The following AGO1 variants were observed in gnomAD, a reference collection of about 807,000 sequenced individuals.
AGO1 encodes the protein argonaute RISC component 1.
Under a neutral mutation model 109.2 loss-of-function variants are expected in AGO1, and 11 were observed. The observed-to-expected ratio is 0.10, with a 90% CI of 0.06 to 0.17. The LOEUF is 0.17. AGO1 is among the 10% of genes least tolerant of loss of function. The probability of loss-of-function intolerance (pLI) is 1.00; values close to 1 mark genes in which losing one functional copy is unlikely to be tolerated. For missense variants in AGO1, 574 were observed against 1,140.3 expected, an observed-to-expected ratio of 0.50 and a Z score of 7.15; for synonymous variants, 422 against 418.6, an observed-to-expected ratio of 1.01 and a Z score of -0.10.
chr1:35,908,906 C>T (rs929165857), intron 12 of AGO1, among the ~76,000 whole-genome samples: 1 of 151,456 alleles, frequency 6.6e-6, no homozygotes, highest in Admixed American at 6.6e-5. Flanking sequence ...GCAACCTCCA[C>T]CTCCCAGGTT....
At chr1:35,912,868 G>A (rs912888981) in intron 12 of AGO1, among the ~76,000 whole-genome samples, 4 of 152,094 alleles carry the variant, frequency 2.6e-5, no homozygotes, top group African/African-American at 4.8e-5. Context: ...CACCGTGCCC[G>A]GCTGGCCTAT....
rs1286109881 is a variant in AGO1 at position 35,888,576 on chromosome 1, A to G, written c.175A>G (p.Ile59Val). ...KIDVYHYEVD[I>V]KPDKCPRRVN... The stretch of plus-strand genomic sequence containing the variant: ...CGACGTGTACCACTACGAGGTGGAC[A>G]TCAAGCCGGATAAGTGTCCCCGTAG... The change falls in exon 2 of 19, where the codon ATC becomes GTC. Residue 59 changes from isoleucine (I) to valine (V), a missense_variant. This residue lies in a region of AGO1 where 89 missense variants were observed against 109.6 expected (regional missense o/e 0.81). Transcript: ENST00000373204. This position sits in a 1 kb window ranked among gnomAD's most constrained non-coding sequence, Gnocchi z 4.1. 3.7e-6 allele frequency: 6 copies of G among 1,614,128 alleles called. No individual in the cohort carries two copies. Among genetic ancestry groups the G allele is most frequent in the Non-Finnish European group, 4.2e-6 (5 of 1,180,040 alleles).
upstream of AGO1, among the ~76,000 whole-genome samples, chr1:35,880,534 T>C (rs542432557): frequency 1.1e-4 from 16 of 152,326 alleles, no homozygotes; most frequent in South Asian, 2.3e-3. Flanking sequence ...CACTACAGCC[T>C]GGGTAACAGA....
intron 1 of AGO1, among the ~76,000 whole-genome samples, chr1:35,887,841 A>C: frequency 6.7e-6 from 1 of 150,364 alleles, no homozygotes; most frequent in South Asian, 2.1e-4. Flanking sequence ...TAGTCTCCAA[A>C]CTCTGTCCTT....
In AGO1 at chr1:35,901,674, C is replaced by T. The variant is rs907337562; in HGVS notation, c.1140+81C>T. Reference sequence around the variant, plus strand: ...TTAATGCCCCAGCAGGACCTTCCTTCAGGAGAACCCAAGTCTAGATTTGTT... The same window carrying T: ...TTAATGCCCCAGCAGGACCTTCCTTTAGGAGAACCCAAGTCTAGATTTGTT... On this transcript the variant is annotated intron_variant, in intron 9 of 18. Transcript: ENST00000373204. The surrounding 1 kb of genome is among the most constrained non-coding windows in gnomAD (Gnocchi z 4.8). The T allele has an allele frequency of 6.3e-7, 1 of 1,597,116 alleles. No homozygotes were observed.
intron 11 of AGO1, among the ~76,000 whole-genome samples, chr1:35,906,588 C>A (rs1448828847): frequency 6.6e-6 from 1 of 152,038 alleles, no homozygotes; most frequent in Non-Finnish European, 1.5e-5. Context: ...GTGGGAGGAT[C>A]ACTTGAGTCC....
At position 35,926,106 on chromosome 1, in the gene AGO1, G is replaced by C. The variant is rs1016651001; in HGVS notation, c.*6499G>C. The C allele has an allele frequency of 6.6e-6, 1 of 152,144 alleles. No homozygotes were observed. Among genetic ancestry groups the C allele is most frequent in the African/African-American group, 2.4e-5 (1 of 41,436 alleles). 9.4% of individuals were successfully genotyped at this position (152,144 alleles called of 1,614,324 possible). On this transcript the variant is annotated 3_prime_UTR_variant, in exon 19 of 19. Coordinates refer to ENST00000373204, the MANE Select transcript of AGO1 (RefSeq NM_012199.5). Reference sequence around the variant, plus strand: ...AGCAGATTTTGACCAGTTGAAATAAGACATAAATTTATGACTCCGAGTGAG... The same window carrying C: ...AGCAGATTTTGACCAGTTGAAATAACACATAAATTTATGACTCCGAGTGAG...
Position 35,883,761 on chromosome 1 carries a change from G to T in AGO1, c.25+315G>T, listed in dbSNP as rs541278799. ...CTACGGAGAGGCCCGGCAGGTGGCA[G>T]GGGACGGGCTCCAGGTGTCCAGGAG... is the stretch of plus-strand genomic sequence containing the variant. On this transcript the variant is annotated intron_variant, in intron 1 of 18. Coordinates refer to ENST00000373204, the MANE Select transcript of AGO1 (RefSeq NM_012199.5). This position sits in a 1 kb window ranked among gnomAD's most constrained non-coding sequence, Gnocchi z 5.4. Among the ~76,000 whole-genome samples the T allele has an allele frequency of 2.4e-4, 37 of 152,350 alleles. No homozygotes were observed. Among genetic ancestry groups the T allele is most frequent in the African/African-American group, 7.9e-4 (33 of 41,578 alleles).
intron 1 of AGO1, among the ~76,000 whole-genome samples, chr1:35,874,087 A>G (rs949953032): frequency 6.6e-6 from 1 of 152,172 alleles, no homozygotes; most frequent in African/African-American, 2.4e-5. Flanking sequence ...GTGACCTGTG[A>G]TGTTACTATT....
In AGO1 at chr1:35,927,562, T is replaced by TA. The variant is rs1356235775; in HGVS notation, c.*7956dup. 2.0e-5 allele frequency: 3 copies of TA among 152,202 alleles called. No individual in the cohort carries two copies. Among genetic ancestry groups the TA allele is most frequent in the African/African-American group, 4.8e-5 (2 of 41,452 alleles). 9.4% of individuals were successfully genotyped at this position (152,202 alleles called of 1,614,324 possible). A position where few individuals can be genotyped will look rare whatever the true frequency, so the allele number is the denominator to read the frequency against. On this transcript the variant is annotated 3_prime_UTR_variant, in exon 19 of 19. Coordinates refer to ENST00000373204, the MANE Select transcript of AGO1 (RefSeq NM_012199.5). ...GTCTTCCCCTGGAAGCTCCAACAGA[T>TA]ACGGCCTCATGGCTTTGCTAGAAAT...
At chr1:35,908,748 C>T (rs959180757) in intron 12 of AGO1, among the ~76,000 whole-genome samples, 11 of 151,506 alleles carry the variant, frequency 7.3e-5, no homozygotes, top group African/African-American at 2.7e-4. Flanking sequence ...CATTGTTCTT[C>T]TTCAAATTTT....
chr1:35,913,176 T>C (rs1045407519), intron 12 of AGO1, among the ~76,000 whole-genome samples: 37 of 152,118 alleles, frequency 2.4e-4, no homozygotes, highest in Admixed American at 2.3e-3. Flanking sequence ...CCCGCCACCA[T>C]GCCTGGCTAA....
At position 35,915,485 on chromosome 1, in the gene AGO1, C is replaced by A; in HGVS notation, c.1971C>A (p.Phe657Leu). Residue 657 changes from phenylalanine to leucine, a missense_variant, in exon 15 of 19, where the codon TTC (phenylalanine) becomes TTA (leucine). By Grantham distance (22) the Phe-to-Leu change is conservative. This residue lies in a region of AGO1 where 45 missense variants were observed against 61.3 expected (regional missense o/e 0.73). Coordinates refer to ENST00000373204, the MANE Select transcript of AGO1 (RefSeq NM_012199.5). ...LLIQFYKSTR[F>L]KPTRIIFYRD... ...TCCAATTCTACAAGTCCACCCGTTTCAAGCCTACCCGCATCATCTTCTACC... is the reference window on the plus strand; with the variant it reads ...TCCAATTCTACAAGTCCACCCGTTTAAAGCCTACCCGCATCATCTTCTACC... 6.2e-7 allele frequency: 1 copy of A among 1,614,152 alleles called. No individual in the cohort carries two copies. The highest frequency in any genetic ancestry group is 8.5e-7 in the Non-Finnish European group (1 of 1,180,028).
Position 35,902,062 on chromosome 1 carries a change from G to A in AGO1, c.1255G>A (p.Gly419Ser). Residue 419 changes from glycine to serine, a missense_variant, in exon 10 of 19, where the codon GGC (glycine) becomes AGC (serine). Physicochemically the swap from Gly to Ser is moderately conservative, Grantham distance 56. This residue lies in a region of AGO1 where 106 missense variants were observed against 147.8 expected (regional missense o/e 0.72). Transcript: ENST00000373204. ...RVLPAPILQY[G>S]GRNRAIATPN... ...GCTGCCGGCGCCCATCTTGCAGTAC[G>A]GCGGCCGGGTGAGCAGGGTCAGGGC... 6.2e-7 allele frequency: 1 copy of A among 1,602,866 alleles called. No homozygotes were observed. The highest frequency in any genetic ancestry group is 8.5e-7 in the Non-Finnish European group (1 of 1,174,488).
Position 35,893,978 on chromosome 1 carries a change from C to T in AGO1, c.650-59C>T. 1 of 1,522,646 alleles carries T rather than the reference C, an allele frequency of 6.6e-7. No individual in the cohort carries two copies. Among genetic ancestry groups the T allele is most frequent in the Non-Finnish European group, 8.8e-7 (1 of 1,133,652 alleles). The allele number at this position is 1,522,646 out of a possible 1,614,324, so 94.3% of individuals were successfully genotyped here. A position where few individuals can be genotyped will look rare whatever the true frequency, so the allele number is the denominator to read the frequency against. On this transcript the variant is annotated intron_variant, in intron 5 of 18. Coordinates refer to ENST00000373204, the MANE Select transcript of AGO1 (RefSeq NM_012199.5). This position sits in a 1 kb window ranked among gnomAD's most constrained non-coding sequence, Gnocchi z 5.6. ...AAGGAAGAGGGTATAAATTGCTGTG[C>T]CTCCATGTATTGTGGAAGACAGAAC...
rs1166468590 is a variant in AGO1 at position 35,927,110 on chromosome 1, AGAGT to A, written c.*7507_*7510del. Reference sequence around the variant, plus strand: ...GGAAAAGGCCTGTGGGCTATTAATGAGAGTGAGCTGCAAAAGGAGGAAGGGTTTG... The same window carrying A: ...GGAAAAGGCCTGTGGGCTATTAATGAGAGCTGCAAAAGGAGGAAGGGTTTG... On this transcript the variant is annotated 3_prime_UTR_variant, in exon 19 of 19. Coordinates refer to ENST00000373204, the MANE Select transcript of AGO1 (RefSeq NM_012199.5). The A allele has an allele frequency of 2.0e-5, 3 of 152,072 alleles. No individual in the cohort carries two copies. Among genetic ancestry groups the A allele is most frequent in the Non-Finnish European group, 4.4e-5 (3 of 68,026 alleles). 9.4% of individuals were successfully genotyped at this position (152,072 alleles called of 1,614,324 possible).
chr1:35,886,345 G>T (rs1281900576), intron 1 of AGO1, among the ~76,000 whole-genome samples: 1 of 152,150 alleles, frequency 6.6e-6, no homozygotes, highest in Non-Finnish European at 1.5e-5. Flanking sequence ...GCTTTCAGGG[G>T]GATGTAATGG....
At chr1:35,909,367 T>C (rs1645591108) in intron 12 of AGO1, among the ~76,000 whole-genome samples, 2 of 152,198 alleles carry the variant, frequency 1.3e-5, no homozygotes, top group African/African-American at 2.4e-5. Flanking sequence ...TGGACACATA[T>C]CTAACCTTTC....
At chr1:35,878,036 A>T (rs1003380002) in intron 1 of AGO1, among the ~76,000 whole-genome samples, 4 of 151,164 alleles carry the variant, frequency 2.6e-5, no homozygotes, top group Non-Finnish European at 4.4e-5. Flanking sequence ...GGGGGGTTAA[A>T]TATATTACTA....
Sources: gnomAD v4.1 joint callset for allele counts (sites outside exome capture counted in the v4.1 genomes callset) on GRCh38, gnomAD v4.1.1 for gene constraint, gnomAD v4.1.1 regional missense constraint, Gnocchi (gnomAD v3.1) non-coding constraint, MANE v1.5 for transcripts, NCBI Gene and HGNC (gene_info 2026-07-23, HGNC 2026-07-21) for gene names.